XKR9: variants seen among roughly 807,000 people sequenced by gnomAD.
XKR9 encodes the protein XK related 9.
Under a neutral mutation model 32.0 loss-of-function variants are expected in XKR9, and 32 were observed. That is an observed-to-expected ratio of 1.00 (90% CI 0.76 to 1.34). The LOEUF (loss-of-function observed/expected upper bound fraction) is 1.34, where lower values mean the gene tolerates loss of function less well. XKR9 is among the 40% of genes most tolerant of loss of function. The probability of loss-of-function intolerance (pLI) is 0.00; values close to 1 mark genes in which losing one functional copy is unlikely to be tolerated. For synonymous variants in XKR9, 168 were observed against 143.4 expected, an observed-to-expected ratio of 1.17 and a Z score of -1.22; for missense variants, 546 against 429.7, an observed-to-expected ratio of 1.27 and a Z score of -2.39.
the XKR9 span, among the ~76,000 whole-genome samples, chr8:70,841,537 A>T: frequency 6.6e-6 from 1 of 152,168 alleles, no homozygotes; most frequent in Non-Finnish European, 1.5e-5. Context: ...GATGTCCCTT[A>T]TAGCATAAGG....
chr8:70,876,189 G>T, the XKR9 span, among the ~76,000 whole-genome samples: 1 of 148,868 alleles, frequency 6.7e-6, no homozygotes, highest in Non-Finnish European at 1.5e-5. Context: ...ACCTCAGAAG[G>T]TTTGCTTTTC....
chr8:70,973,004 CT>C, the XKR9 span, among the ~76,000 whole-genome samples: 1 of 152,234 alleles, frequency 6.6e-6, no homozygotes, highest in East Asian at 1.9e-4. Flanking sequence ...AGGAGTCCTT[CT>C]TTCCCTATCT....
At chr8:70,843,382 G>T in the XKR9 span, among the ~76,000 whole-genome samples, 2 of 152,124 alleles carry the variant, frequency 1.3e-5, no homozygotes, top group African/African-American at 4.8e-5. Context: ...GTTTTTTACA[G>T]AAATATTTGT....
the XKR9 span, among the ~76,000 whole-genome samples, chr8:70,855,206 TGG>T: frequency 6.6e-6 from 1 of 151,882 alleles, no homozygotes; most frequent in African/African-American, 2.4e-5. Context: ...TTTGAACCGA[TGG>T]CAAAGAAGTT....
the XKR9 span, among the ~76,000 whole-genome samples, chr8:70,958,399 TG>T: frequency 6.6e-6 from 1 of 152,226 alleles, no homozygotes; most frequent in Non-Finnish European, 1.5e-5. Context: ...TCATTCTGAC[TG>T]GTTTTAAGAT....
the XKR9 span, among the ~76,000 whole-genome samples, chr8:71,060,427 C>G: frequency 9.3e-4 from 141 of 152,328 alleles, 1 homozygote; most frequent in Non-Finnish European, 1.9e-3. Context: ...CTTTACAGTG[C>G]TTATCTTCAC....
At chr8:71,016,633 A>G in the XKR9 span, among the ~76,000 whole-genome samples, 1 of 152,230 alleles carries the variant, frequency 6.6e-6, no homozygotes, top group African/African-American at 2.4e-5. Context: ...TTTGACACAA[A>G]ACACAGCTAC....
At chr8:70,861,480 G>T in the XKR9 span, among the ~76,000 whole-genome samples, 7 of 136,154 alleles carry the variant, frequency 5.1e-5, no homozygotes, top group Non-Finnish European at 8.4e-5. Flanking sequence ...GCTAGATCTT[G>T]TGTCTATCAA....
At chr8:70,845,509 A>G in the XKR9 span, among the ~76,000 whole-genome samples, 1 of 152,224 alleles carries the variant, frequency 6.6e-6, no homozygotes, top group Non-Finnish European at 1.5e-5. Context: ...AGTGAGACAC[A>G]AGAGAACACA....
chr8:70,717,813 C>G (rs1359960523), intron 4 of XKR9, among the ~76,000 whole-genome samples: 1 of 152,144 alleles, frequency 6.6e-6, no homozygotes. Context: ...TTTTTTACAG[C>G]ATTGTCAGGC....
the XKR9 span, among the ~76,000 whole-genome samples, chr8:70,961,189 A>G: frequency 2.6e-5 from 4 of 152,192 alleles, no homozygotes; most frequent in African/African-American, 9.7e-5. Flanking sequence ...CAAAGACAAA[A>G]AAACAAAGAA....
chr8:70,808,570 C>A, the XKR9 span, among the ~76,000 whole-genome samples: 1 of 152,184 alleles, frequency 6.6e-6, no homozygotes, highest in Non-Finnish European at 1.5e-5. Context: ...TGACAGACAG[C>A]ACCTGGAAAA....
chr8:71,062,169 TCACAG>T, the XKR9 span, among the ~76,000 whole-genome samples: 1 of 152,230 alleles, frequency 6.6e-6, no homozygotes, highest in African/African-American at 2.4e-5. Context: ...CATTTTGCCG[TCACAG>T]GATGCCTGCA....
At chr8:70,771,013 T>C (rs1167434216) in intron 2 of XKR9, among the ~76,000 whole-genome samples, 1 of 152,176 alleles carries the variant, frequency 6.6e-6, no homozygotes. Context: ...CAGCCCAGTT[T>C]TGTGCTTGAA....
the XKR9 span, among the ~76,000 whole-genome samples, chr8:70,873,021 A>AAGAT: frequency 6.6e-6 from 1 of 152,188 alleles, no homozygotes; most frequent in South Asian, 2.1e-4. Flanking sequence ...TATGGCCCAT[A>AAGAT]AGATTGGTGC....
intron 1 of XKR9, among the ~76,000 whole-genome samples, chr8:70,671,504 C>G (rs1202862081): frequency 1.2e-5 from 1 of 84,568 alleles, no homozygotes; most frequent in Non-Finnish European, 3.0e-5. Context: ...CCACCACAGT[C>G]CCCAGAGTGT....
chr8:70,681,320 G>A lies in XKR9; in HGVS notation c.262G>A (p.Val88Ile), dbSNP rs1477163584. ...TCTACTTCATTGCTTGCAAGGAGGAGTTTTTACAAGGTGAGCATACATGTT... is the reference window on the plus strand; with the variant it reads ...TCTACTTCATTGCTTGCAAGGAGGAATTTTTACAAGGTGAGCATACATGTT... ...FLLLHCLQGGVFTRYWFALKR... is the reference protein window; with the variant it reads ...FLLLHCLQGGIFTRYWFALKR... The change falls in exon 3 of 5, where the codon GTT (valine) becomes ATT (isoleucine). Residue 88 changes from valine to isoleucine, a missense_variant. Coordinates refer to ENST00000408926, the MANE Select transcript of XKR9 (RefSeq NM_001011720.2). 5 of 1,611,670 alleles carry A rather than the reference G, an allele frequency of 3.1e-6. No homozygotes were observed. Among genetic ancestry groups the A allele is most frequent in the Non-Finnish European group, 8.5e-7 (1 of 1,178,960 alleles).
intron 4 of XKR9, 72 bp from the exon 5 acceptor site, chr8:70,733,724 T>G (rs1806749568): frequency 1.5e-6 from 2 of 1,343,382 alleles, no homozygotes; most frequent in Non-Finnish European, 2.0e-6. Flanking sequence ...AGATATAGCA[T>G]GTATGGGATA....
chr8:70,752,390 G>A (rs750764791), intron 2 of XKR9, among the ~76,000 whole-genome samples: 3 of 152,114 alleles, frequency 2.0e-5, no homozygotes, highest in Admixed American at 1.3e-4. Context: ...GCCACATCTC[G>A]TTGGCTTCTG....
Sources: allele counts gnomAD v4.1 joint callset (sites outside exome capture counted in the v4.1 genomes callset), GRCh38; gene constraint gnomAD v4.1.1; transcripts MANE v1.5; gene names NCBI Gene and HGNC (gene_info 2026-07-23, HGNC 2026-07-21).